Variants in OC90 observed in about 807,000 individuals in gnomAD.
OC90 encodes otoconin-90.
A neutral mutation model predicts 47.3 loss-of-function variants in OC90; 46 were observed. That is an observed-to-expected ratio of 0.97 (90% CI 0.77 to 1.24). The LOEUF (loss-of-function observed/expected upper bound fraction) is 1.24. Ranked by LOEUF, OC90 falls within the 50% of genes most tolerant of loss-of-function variation. The probability of loss-of-function intolerance (pLI) is 0.00; values close to 1 mark genes in which losing one functional copy is unlikely to be tolerated. For synonymous variants in OC90, 271 were observed against 219.5 expected (o/e 1.23, Z -2.07); for missense variants, 688 against 583.9 (o/e 1.18, Z -1.84).
intron 2 of OC90, among the ~76,000 whole-genome samples, chr8:132,051,766 T>C (rs558500915): frequency 1.8e-4 from 27 of 152,220 alleles, no homozygotes; most frequent in African/African-American, 6.5e-4. Context: ...CAAGTAGCAG[T>C]CCAATGCTGG....
chr8:132,056,379 A>T (rs1361325707), intron 1 of OC90, among the ~76,000 whole-genome samples: 1 of 152,206 alleles, frequency 6.6e-6, no homozygotes, highest in African/African-American at 2.4e-5. Context: ...TGTAGGTTGT[A>T]CAATCACTAC....
chr8:132,041,026 A>G lies in OC90; in HGVS notation c.457+18T>C, dbSNP rs770719802. ...TCATTTCTGGGCCCAGGCCCCTGGG[A>G]CACCTGGAGATGCTTACCACATATG... On this transcript the variant is annotated intron_variant, in intron 6 of 13. Transcript: ENST00000254627. 3.5e-6 allele frequency: 5 copies of G among 1,445,304 alleles called. No homozygotes were observed. Among genetic ancestry groups the G allele is most frequent in the Non-Finnish European group, 4.9e-6 (5 of 1,025,948 alleles). The allele number at this position is 1,445,304 out of a possible 1,614,324, so 89.5% of individuals were successfully genotyped here.
Position 132,029,146 on chromosome 8 carries a change from T to G in OC90, c.1065A>C (p.Gln355His). The change falls in exon 13 of 14, where the codon CAA becomes CAC. Residue 355 changes from glutamine (Q) to histidine (H), a missense_variant. Transcript: ENST00000254627. Reference protein sequence around the residue: ...CCLSHHCCLEQVRRLGCLLER... With the variant: ...CCLSHHCCLEHVRRLGCLLER... The stretch of plus-strand genomic sequence containing the variant: ...CAAGCAGGCAGCCCAGCCTTCTCAC[T>G]TGCTCTAGGCAGCAGTGATGGGACA... 6.2e-7 allele frequency: 1 copy of G among 1,613,906 alleles called. No homozygotes were observed. Among genetic ancestry groups the G allele is most frequent in the Non-Finnish European group, 8.5e-7 (1 of 1,179,826 alleles).
chr8:132,035,608 A>C (rs1403155876), intron 9 of OC90, among the ~76,000 whole-genome samples: 1 of 152,226 alleles, frequency 6.6e-6, no homozygotes, highest in Non-Finnish European at 1.5e-5. Context: ...AAAAATCAAG[A>C]CTATGCTAGT....
chr8:132,047,220 G>C (rs1392855781), intron 2 of OC90, among the ~76,000 whole-genome samples: 2 of 152,134 alleles, frequency 1.3e-5, no homozygotes, highest in East Asian at 3.9e-4. Context: ...CCAGTACCAG[G>C]ACTGGCACTA....
At chr8:132,033,619 C>T (rs1379669530) in intron 10 of OC90, among the ~76,000 whole-genome samples, 1 of 152,200 alleles carries the variant, frequency 6.6e-6, no homozygotes, top group African/African-American at 2.4e-5. Flanking sequence ...AACAGCTTCT[C>T]TTTATTTACA....
chr8:132,025,201 T>G (rs1189239075), intron 13 of OC90, among the ~76,000 whole-genome samples: 1 of 152,208 alleles, frequency 6.6e-6, no homozygotes, highest in Non-Finnish European at 1.5e-5. Context: ...TAGGCAGATA[T>G]GAGCAGGGCA....
chr8:132,033,847 C>G (rs1235558030), intron 10 of OC90, among the ~76,000 whole-genome samples: 1 of 152,188 alleles, frequency 6.6e-6, no homozygotes, highest in Non-Finnish European at 1.5e-5. Flanking sequence ...AAGAGAACAG[C>G]AGCAGGCTCA....
intron 10 of OC90, 75 bp downstream of exon 10, chr8:132,034,706 G>T: frequency 1.0e-6 from 1 of 1,004,010 alleles, no homozygotes; most frequent in Non-Finnish European, 1.5e-6. Flanking sequence ...GAACCCAGTT[G>T]ATATCATAAA....
At chr8:132,042,490 C>T (rs1823068517) in intron 4 of OC90, among the ~76,000 whole-genome samples, 3 of 152,166 alleles carry the variant, frequency 2.0e-5, no homozygotes, top group Non-Finnish European at 2.9e-5. Flanking sequence ...AGGCAGCAAG[C>T]GCAGTACCCA....
rs533158069 is a variant in OC90, at chr8:132,032,194, T to C, written c.860-142A>G. On this transcript the variant is annotated intron_variant, in intron 11 of 13. Coordinates refer to ENST00000254627, the MANE Select transcript of OC90 (RefSeq NM_001080399.3). ...CATGTCTTACTCGTTGGCTCACCAT[T>C]CTTCTGGGAAAGCTGTTATGGCTCA... 20 of 721,888 alleles carry C rather than the reference T, an allele frequency of 2.8e-5. No individual in the cohort carries two copies. The East Asian group carries it at 5.1e-4, about 18-fold the overall frequency. The allele number at this position is 721,888 out of a possible 1,614,324, so 44.7% of individuals were successfully genotyped here. A position where few individuals can be genotyped will look rare whatever the true frequency, so the allele number is the denominator to read the frequency against.
Position 132,032,912 on chromosome 8 carries a change from G to C in OC90, c.859+127C>G, listed in dbSNP as rs930678244. The C allele has an allele frequency of 5.6e-6, 6 of 1,073,024 alleles. No individual in the cohort carries two copies. In the South Asian group the frequency reaches 1.0e-4, roughly 18 times the overall value. The allele number at this position is 1,073,024 out of a possible 1,614,324, so 66.5% of individuals were successfully genotyped here. A position where few individuals can be genotyped will look rare whatever the true frequency, so the allele number is the denominator to read the frequency against. On this transcript the variant is annotated intron_variant, in intron 11 of 13. Transcript: ENST00000254627. ...AGCCTCAAGGTGCTCATGCAGTCAG[G>C]GGGATGATGTCTTCTCATCACACCC...
intron 2 of OC90, among the ~76,000 whole-genome samples, chr8:132,046,177 T>A (rs1215631750): frequency 2.6e-5 from 4 of 152,288 alleles, no homozygotes; most frequent in African/African-American, 9.6e-5. Flanking sequence ...GTATGAAGCA[T>A]CCTGTTTTAT....
intron 10 of OC90, among the ~76,000 whole-genome samples, chr8:132,033,603 T>A (rs894232146): frequency 1.3e-5 from 2 of 152,202 alleles, no homozygotes; most frequent in African/African-American, 4.8e-5. Flanking sequence ...CTTTTTCAAG[T>A]GCAGTAACAG....
Position 132,045,854 on chromosome 8 carries a change from G to A in OC90, c.76C>T (p.Pro26Ser), listed in dbSNP as rs191897354. 223 of 1,546,638 alleles carry A rather than the reference G, an allele frequency of 1.4e-4. 1 individual carries two copies. In the African/African-American group the frequency reaches 2.8e-3, roughly 20 times the overall value. The part of the protein sequence containing the change: ...GGHPLDTPHL[P>S]QELPPGLPNN... ...GGGAGTCCTGGAGGCAGCTCCTGTG[G>A]AAGATGTGGAGTGTCCAGAGGATGG... is the stretch of plus-strand genomic sequence containing the variant. Residue 26 changes from proline to serine, a missense_variant, in exon 3 of 14, where the codon CCA becomes TCA. Physicochemically the swap from Pro to Ser is moderately conservative, Grantham distance 74. Coordinates refer to ENST00000254627, the MANE Select transcript of OC90 (RefSeq NM_001080399.3).
chr8:132,044,306 G>C (rs915252139), intron 4 of OC90, 127 bp downstream of exon 4: 1 of 645,896 alleles, frequency 1.5e-6, no homozygotes, highest in East Asian at 2.7e-5. Flanking sequence ...GGGTCTCCTT[G>C]TTGGGAGGTA....
chr8:132,025,197 GAT>G (rs1229753406), intron 13 of OC90, among the ~76,000 whole-genome samples: 104 of 152,356 alleles, frequency 6.8e-4, no homozygotes, highest in Non-Finnish European at 3.8e-4. Context: ...TAGATAGGCA[GAT>G]ATGAGCAGGG....
rs151061148 is a variant in OC90, at chr8:132,045,935, CT to C, written c.47-53del. 0.012 allele frequency: 11,933 copies of C among 1,022,068 alleles called. 872 individuals carry two copies. The African/African-American group carries it at 0.16, about 14-fold the overall frequency. 63.3% of individuals were successfully genotyped at this position (1,022,068 alleles called of 1,614,324 possible). A position where few individuals can be genotyped will look rare whatever the true frequency, so the allele number is the denominator to read the frequency against. On this transcript the variant is annotated intron_variant, in intron 2 of 13. Transcript: ENST00000254627. ...TAAGCACAAACACTGATACAATTCA[CT>C]TGCTGGACTAAGGCCAGAAGGCGAC...
chr8:132,047,310 T>C (rs1036958534), intron 2 of OC90, among the ~76,000 whole-genome samples: 1 of 141,966 alleles, frequency 7.0e-6, no homozygotes, highest in Non-Finnish European at 1.5e-5. Context: ...ATGCGTATTT[T>C]TAAGTCAGCT....
Sources: gnomAD v4.1 joint callset for allele counts (sites outside exome capture counted in the v4.1 genomes callset) on GRCh38, gnomAD v4.1.1 for gene constraint, MANE v1.5 for transcripts, NCBI Gene and HGNC (gene_info 2026-07-23, HGNC 2026-07-21) for gene names.